The following GNPDA2 variants were observed in gnomAD, a reference collection of about 807,000 sequenced individuals.
The protein encoded by GNPDA2 is glucosamine-6-phosphate deaminase 2.
GNPDA2 carries 24 observed loss-of-function variants against 27.0 expected under a neutral mutation model. The ratio of observed to expected loss-of-function variants is 0.89; its 90% CI spans 0.64 to 1.25. The LOEUF (loss-of-function observed/expected upper bound fraction) is 1.25. Among genes scored for constraint, GNPDA2 ranks in the 50% most tolerant of loss-of-function variants. The pLI is 0.00. For synonymous variants in GNPDA2, 94 were observed against 108.4 expected (o/e 0.87, Z 0.83); for missense variants, 286 against 335.1 (o/e 0.85, Z 1.14).
At chr4:44,705,296 T>C (rs779578839) in intron 6 of GNPDA2, 12 of 983,602 alleles carry the variant, frequency 1.2e-5, no homozygotes, top group Non-Finnish European at 1.3e-5. Context: ...TTAAGAATAT[T>C]CAATTTCTCT....
intron 1 of GNPDA2, 31 bp from the exon 2 acceptor site, chr4:44,722,273 A>G (rs1717720779): frequency 2.7e-6 from 4 of 1,507,050 alleles, no homozygotes; most frequent in East Asian, 2.3e-5. Flanking sequence ...AACACTTTAC[A>G]TAATAAACAG....
chr4:44,704,023 A>G (rs1027078957), intron 6 of GNPDA2: 1 of 985,194 alleles, frequency 1.0e-6, no homozygotes, highest in South Asian at 4.7e-5. Context: ...GATTGGAGAG[A>G]TAGGTTGCTT....
intron 6 of GNPDA2, chr4:44,703,356 T>C: frequency 7.5e-7 from 1 of 1,337,422 alleles, no homozygotes; most frequent in South Asian, 1.8e-5. Flanking sequence ...TATGTAACAG[T>C]GCAGATCTAG....
chr4:44,703,230 C>CA (rs1716383655), intron 6 of GNPDA2, 88 bp from the exon 7 acceptor site: 2 of 1,500,418 alleles, frequency 1.3e-6, no homozygotes, highest in Non-Finnish European at 8.8e-7. Flanking sequence ...TTTTATAAGA[C>CA]ACAGTAAGCC....
intron 6 of GNPDA2, chr4:44,706,577 T>C (rs915779966): frequency 6.6e-6 from 1 of 151,920 alleles, no homozygotes; most frequent in African/African-American, 2.4e-5. Flanking sequence ...TTGCATTGAA[T>C]TAAAAATTTA....
chr4:44,708,299 T>TG (rs370784623), intron 5 of GNPDA2, among the ~76,000 whole-genome samples: 36 of 152,234 alleles, frequency 2.4e-4, no homozygotes, highest in African/African-American at 8.7e-4. Flanking sequence ...TCTAGAATGA[T>TG]ACACCAAGTT....
In GNPDA2 at chr4:44,703,059, C is replaced by A; in HGVS notation, c.*22G>T. The A allele has an allele frequency of 6.2e-7, 1 of 1,610,450 alleles. No homozygotes were observed. The highest frequency in any genetic ancestry group is 1.1e-5 in the South Asian group (1 of 90,188). ...GTAAAAAGTGCTCTGTTCATTCAAGCTGAATTTTGCTCCAGTCTCCTTCAG... is the reference window on the plus strand; with the variant it reads ...GTAAAAAGTGCTCTGTTCATTCAAGATGAATTTTGCTCCAGTCTCCTTCAG... On this transcript the variant is annotated 3_prime_UTR_variant, in exon 7 of 7. Transcript: ENST00000295448.
Position 44,707,775 on chromosome 4 carries a change from ACT to A in GNPDA2, c.744_745del (p.Arg248SerfsTer2). ...ACCTTTAAAGTATTTCACAGTTTTAACTCTTAATTCTAAAGTAGCATCTTCAT... is the reference window on the plus strand; with the variant it reads ...ACCTTTAAAGTATTTCACAGTTTTAACTTAATTCTAAAGTAGCATCTTCAT... On this transcript the variant is annotated frameshift_variant, in exon 6 of 7. Coordinates refer to ENST00000295448, the MANE Select transcript of GNPDA2 (RefSeq NM_138335.3). LOFTEE classifies it high-confidence loss of function. 1 of 1,613,062 alleles carries A rather than the reference ACT, an allele frequency of 6.2e-7. No individual in the cohort carries two copies. Among genetic ancestry groups the A allele is most frequent in the Non-Finnish European group, 8.5e-7 (1 of 1,179,496 alleles).
chr4:44,708,482 A>AACATAGGAACTGTCTTATAAGC (rs869244451), intron 5 of GNPDA2, among the ~76,000 whole-genome samples: 2 of 151,810 alleles, frequency 1.3e-5, no homozygotes, highest in Non-Finnish European at 2.9e-5. Flanking sequence ...GATCTACTTA[A>AACATAGGAACTGTCTTATAAGC]ACATAGGAAC....
rs1378476580 is a variant in GNPDA2 at position 44,717,163 on chromosome 4, G to A, written c.359C>T (p.Ala120Val). ...NAADLQAECDAFENKIKEAGG... is the reference protein window; with the variant it reads ...NAADLQAECDVFENKIKEAGG... The stretch of plus-strand genomic sequence containing the variant: ...AGCTTCTTTTATTTTGTTTTCAAAA[G>A]CATCACATTCTGCTTGTAAATCTGC... The change falls in exon 4 of 7, where the codon GCT (alanine) becomes GTT (valine). Residue 120 changes from alanine (A) to valine (V), a missense_variant. Transcript: ENST00000295448. 8.7e-6 allele frequency: 14 copies of A among 1,609,506 alleles called. No homozygotes were observed. Among genetic ancestry groups the A allele is most frequent in the African/African-American group, 1.3e-5 (1 of 74,790 alleles).
chr4:44,714,037 T>C lies in GNPDA2; in HGVS notation c.410-2900A>G, dbSNP rs184124507. On this transcript the variant is annotated intron_variant, in intron 4 of 6. Transcript: ENST00000295448. Reference sequence around the variant, plus strand: ...CCCAGGCTGGAGTGCAATGGCACGATATCAGCTCACCACAACCTCGGCCTC... The same window carrying C: ...CCCAGGCTGGAGTGCAATGGCACGACATCAGCTCACCACAACCTCGGCCTC... 1.8e-3 allele frequency among the ~76,000 whole-genome samples: 268 copies of C among 152,224 alleles called. 1 individual carries two copies. Among genetic ancestry groups the C allele is most frequent in the Non-Finnish European group, 3.4e-3 (232 of 68,016 alleles).
chr4:44,703,326 A>G (rs1474813155), intron 6 of GNPDA2, 184 bp from the exon 7 acceptor site: 45 of 1,373,644 alleles, frequency 3.3e-5, no homozygotes, highest in Admixed American at 1.0e-4. Context: ...TTATCTACCT[A>G]GCAAATACCA....
chr4:44,703,153 A>T lies in GNPDA2; in HGVS notation c.770-11T>A. ...GCACATGCATTAGACCTTAAAGAAA[A>T]AAAGCACAGTTCTAGTTGTTTTTAT... On this transcript the variant is annotated splice_polypyrimidine_tract_variant and intron_variant, in intron 6 of 6. Coordinates refer to ENST00000295448, the MANE Select transcript of GNPDA2 (RefSeq NM_138335.3). The T allele has an allele frequency of 6.2e-7, 1 of 1,605,352 alleles. No homozygotes were observed.
At chr4:44,717,031 A>T (rs1873522) in intron 4 of GNPDA2, 82 bp downstream of exon 4, 574,383 of 970,116 alleles carry the variant, frequency 0.59, 174,349 homozygotes, top group Non-Finnish European at 0.64. Context: ...TACATTACAC[A>T]ATGGGAAGAT....
intron 3 of GNPDA2, 86 bp from the exon 4 acceptor site, chr4:44,717,381 T>C (rs1271483548): frequency 1.5e-6 from 1 of 687,572 alleles, no homozygotes; most frequent in East Asian, 2.8e-5. Flanking sequence ...TGCTATTTAA[T>C]AAATCTAACT....
intron 1 of GNPDA2, among the ~76,000 whole-genome samples, chr4:44,724,811 C>T (rs900711237): frequency 7.9e-5 from 12 of 152,124 alleles, no homozygotes; most frequent in Middle Eastern, 3.4e-3. Context: ...AATTCTGGCC[C>T]GATAACAATT....
intron 6 of GNPDA2, chr4:44,704,092 T>A: frequency 1.0e-6 from 1 of 985,184 alleles, no homozygotes; most frequent in Non-Finnish European, 1.2e-6. Context: ...AAATCCCAGC[T>A]TTGAGAAAGA....
intron 1 of GNPDA2, among the ~76,000 whole-genome samples, chr4:44,725,488 AG>A (rs1717951636): frequency 6.6e-6 from 1 of 152,210 alleles, no homozygotes; most frequent in African/African-American, 2.4e-5. Context: ...AAATTATCAC[AG>A]GGGATATTCA....
At chr4:44,710,023 CTG>C (rs1173286400) in intron 5 of GNPDA2, among the ~76,000 whole-genome samples, 1 of 152,084 alleles carries the variant, frequency 6.6e-6, no homozygotes, top group Admixed American at 6.5e-5. Flanking sequence ...AGCATAAAAA[CTG>C]TATTAAAACT....
Sources: allele counts gnomAD v4.1 joint callset (sites outside exome capture counted in the v4.1 genomes callset), GRCh38; gene constraint gnomAD v4.1.1; transcripts MANE v1.5; gene names NCBI Gene and HGNC (gene_info 2026-07-23, HGNC 2026-07-21).